Variants in NRG3 observed in about 807,000 individuals in gnomAD.
The protein encoded by NRG3 is pro-neuregulin-3, membrane-bound isoform.
NRG3 carries 31 observed loss-of-function variants against 66.9 expected under a neutral mutation model. The observed-to-expected ratio is 0.46, with a 90% CI of 0.35 to 0.63. The LOEUF (loss-of-function observed/expected upper bound fraction) is 0.63. Among genes scored for constraint, NRG3 ranks in the 20% least tolerant of loss-of-function variants. The pLI is 0.00. For missense variants in NRG3, 910 were observed against 878.9 expected, an observed-to-expected ratio of 1.04 and a Z score of -0.45; for synonymous variants, 393 against 359.4, an observed-to-expected ratio of 1.09 and a Z score of -1.06.
chr10:82,274,980 C>T (rs2134362350), intron 1 of NRG3, among the ~76,000 whole-genome samples: 3 of 152,138 alleles, frequency 2.0e-5, no homozygotes, highest in Admixed American at 2.0e-4. Context: ...ACTCAGTTTT[C>T]TTGGACTGCT....
intron 1 of NRG3, among the ~76,000 whole-genome samples, chr10:82,023,292 T>G (rs2062144630): frequency 6.6e-6 from 1 of 152,034 alleles, no homozygotes; most frequent in African/African-American, 2.4e-5. Flanking sequence ...AAATATAATA[T>G]CATGTGTGAA....
chr10:82,851,544 A>G (rs1451713708), intron 3 of NRG3, among the ~76,000 whole-genome samples: 3 of 152,210 alleles, frequency 2.0e-5, no homozygotes, highest in Non-Finnish European at 4.4e-5. Flanking sequence ...TGTCTATACC[A>G]TGAAATCTGT....
At chr10:82,066,484 G>T (rs1371643260) in intron 1 of NRG3, among the ~76,000 whole-genome samples, 2 of 152,212 alleles carry the variant, frequency 1.3e-5, no homozygotes, top group East Asian at 3.9e-4. Context: ...GTTAACTGAT[G>T]CAGGGAAGGC....
chr10:82,934,970 A>G (rs1847919926), intron 4 of NRG3, among the ~76,000 whole-genome samples: 1 of 152,164 alleles, frequency 6.6e-6, no homozygotes, highest in South Asian at 2.1e-4. Context: ...GCCTATTTAT[A>G]TAAACACTTC....
chr10:82,762,985 T>C (rs2059387082), intron 3 of NRG3, among the ~76,000 whole-genome samples: 1 of 152,222 alleles, frequency 6.6e-6, no homozygotes, highest in Non-Finnish European at 1.5e-5. Flanking sequence ...GAAATGCATT[T>C]GATTTGTATA....
At chr10:82,148,269 G>A (rs1350705857) in intron 1 of NRG3, among the ~76,000 whole-genome samples, 1 of 152,104 alleles carries the variant, frequency 6.6e-6, no homozygotes, top group Non-Finnish European at 1.5e-5. Context: ...AGGCCGAGGT[G>A]GGAGGACTGC....
intron 2 of NRG3, among the ~76,000 whole-genome samples, chr10:82,545,516 C>G (rs560833624): frequency 6.6e-6 from 1 of 151,282 alleles, no homozygotes; most frequent in South Asian, 2.1e-4. Flanking sequence ...GTAGCTGGTA[C>G]TATAGGCACC....
chr10:82,863,517 A>C (rs961875335), intron 3 of NRG3, among the ~76,000 whole-genome samples: 1 of 152,192 alleles, frequency 6.6e-6, no homozygotes, highest in Non-Finnish European at 1.5e-5. Context: ...CCTCTCCAGC[A>C]TCTGTCGTTT....
chr10:82,138,862 A>G (rs925097955), intron 1 of NRG3, among the ~76,000 whole-genome samples: 1 of 152,086 alleles, frequency 6.6e-6, no homozygotes. Flanking sequence ...CTGCTCTTCC[A>G]TCTTCTCCTG....
intron 2 of NRG3, among the ~76,000 whole-genome samples, chr10:82,637,922 TA>T (rs1048036349): frequency 1.1e-5 from 1 of 91,268 alleles, no homozygotes; most frequent in Non-Finnish European, 2.5e-5. Context: ...CAGTCATGTA[TA>T]AAAAAATGTC....
chr10:82,387,898 TAATA>T (rs1589947150), intron 2 of NRG3, among the ~76,000 whole-genome samples: 2 of 152,296 alleles, frequency 1.3e-5, no homozygotes, highest in East Asian at 3.9e-4. Context: ...TATACAGAGA[TAATA>T]TATATTTTTA....
chr10:82,385,711 A>G lies in NRG3; in HGVS notation c.953+26843A>G, dbSNP rs148059892. Among the ~76,000 whole-genome samples the G allele has an allele frequency of 4.7e-3, 715 of 152,278 alleles. 6 individuals are homozygous for G. The highest frequency in any genetic ancestry group is 0.017 in the African/African-American group (687 of 41,576). ...GATTGTTGCTATAGACAGTAAATTG[A>G]TATGATTTTAGATACAATTATAGGA... On this transcript the variant is annotated intron_variant, in intron 2 of 8. Coordinates refer to ENST00000372141, the MANE Select transcript of NRG3 (RefSeq NM_001010848.4).
At chr10:82,093,680 A>G (rs2066162954) in intron 1 of NRG3, among the ~76,000 whole-genome samples, 2 of 152,212 alleles carry the variant, frequency 1.3e-5, no homozygotes, top group Non-Finnish European at 2.9e-5. Flanking sequence ...ATTTCTAATC[A>G]TGTAGGCCAC....
At chr10:82,653,428 A>G (rs567267616) in intron 2 of NRG3, among the ~76,000 whole-genome samples, 2 of 152,198 alleles carry the variant, frequency 1.3e-5, no homozygotes, top group Non-Finnish European at 2.9e-5. Flanking sequence ...ATGTGACTGA[A>G]TGCAAACTCC....
chr10:82,388,338 G>T (rs2086142608), intron 2 of NRG3, among the ~76,000 whole-genome samples: 2 of 152,112 alleles, frequency 1.3e-5, no homozygotes, highest in African/African-American at 2.4e-5. Context: ...CGTAAAAAGA[G>T]AATGTATTTG....
intron 1 of NRG3, among the ~76,000 whole-genome samples, chr10:82,017,190 T>A (rs1395474970): frequency 6.6e-6 from 1 of 152,172 alleles, no homozygotes; most frequent in African/African-American, 2.4e-5. Context: ...TGGTGTTCGG[T>A]TTTTTGTCCT....
chr10:82,129,686 G>C (rs2068683632), intron 1 of NRG3, among the ~76,000 whole-genome samples: 1 of 151,936 alleles, frequency 6.6e-6, no homozygotes, highest in Admixed American at 6.6e-5. Context: ...TAATTCTCCT[G>C]GCTCAGCCTC....
chr10:82,722,080 G>C (rs1418200730), intron 2 of NRG3, among the ~76,000 whole-genome samples: 2 of 152,168 alleles, frequency 1.3e-5, no homozygotes, highest in African/African-American at 4.8e-5. Context: ...GATGGCATGT[G>C]GAATTTAGGA....
chr10:82,360,480 T>C (rs1426257426), intron 2 of NRG3, among the ~76,000 whole-genome samples: 1 of 152,226 alleles, frequency 6.6e-6, no homozygotes, highest in African/African-American at 2.4e-5. Context: ...TCTTTGATGG[T>C]GTTTTACCAA....
Sources: gnomAD v4.1 joint callset for allele counts (sites outside exome capture counted in the v4.1 genomes callset) on GRCh38, gnomAD v4.1.1 for gene constraint, MANE v1.5 for transcripts, NCBI Gene and HGNC (gene_info 2026-07-23, HGNC 2026-07-21) for gene names.